The following SHOX variants were observed in gnomAD, a reference collection of about 807,000 sequenced individuals.
SHOX encodes short stature homeobox protein.
Under a neutral mutation model 29.6 loss-of-function variants are expected in SHOX, and 12 were observed. The ratio of observed to expected loss-of-function variants is 0.41; its 90% CI spans 0.26 to 0.66. The LOEUF is 0.66. SHOX is among the 30% of genes least tolerant of loss of function. The probability of loss-of-function intolerance (pLI) is 0.35; values close to 1 mark genes in which losing one functional copy is unlikely to be tolerated. For synonymous variants in SHOX, 214 were observed against 200.6 expected, an observed-to-expected ratio of 1.07 and a Z score of -0.57; for missense variants, 499 against 437.7, an observed-to-expected ratio of 1.14 and a Z score of -1.25.
Position 648,401 on chromosome X carries a change from A to G in SHOX, c.*3765A>G, listed in dbSNP as rs1231571355. Among the ~76,000 whole-genome samples the G allele has an allele frequency of 6.6e-6, 1 of 152,106 alleles. No homozygotes were observed. Among genetic ancestry groups the G allele is most frequent in the Non-Finnish European group, 1.5e-5 (1 of 68,032 alleles). On this transcript the variant is annotated 3_prime_UTR_variant, in exon 5 of 5. Transcript: ENST00000686671. ...CACCAGGCCTGGGTAATTTTTTTGC[A>G]TTTTTGGTAGAGACAGGTTTTTGCT...
chrX:638,856 A>C lies in SHOX; in HGVS notation c.487-1965A>C, dbSNP rs761049426. On this transcript the variant is annotated intron_variant, in intron 2 of 4. Transcript: ENST00000686671. ...ACTGGTTCACTCACCGCCTTGGCGG[A>C]GGACGCCTGTTCTCTGGACGAATCA... 3.3e-5 allele frequency among the ~76,000 whole-genome samples: 5 copies of C among 152,348 alleles called. No homozygotes were observed. In the East Asian group the frequency reaches 9.7e-4, roughly 29 times the overall value.
Position 649,259 on chromosome X carries a change from G to A in SHOX, c.*4623G>A, listed in dbSNP as rs185018397. On this transcript the variant is annotated 3_prime_UTR_variant, in exon 5 of 5. Coordinates refer to ENST00000686671, the MANE Select transcript of SHOX (RefSeq NM_000451.4). Reference sequence around the variant, plus strand: ...TCGCCATGTTGGCCAGGCTGGTCTTGAACTCCTGACCTCACATGATCCACC... The same window carrying A: ...TCGCCATGTTGGCCAGGCTGGTCTTAAACTCCTGACCTCACATGATCCACC... Among the ~76,000 whole-genome samples the A allele has an allele frequency of 8.2e-3, 1,248 of 152,014 alleles. 12 individuals carry two copies. Among genetic ancestry groups the A allele is most frequent in the Non-Finnish European group, 0.011 (745 of 67,974 alleles).
In SHOX at chrX:631,049, C is replaced by T; in HGVS notation, c.152C>T (p.Thr51Met). The T allele has an allele frequency of 6.2e-7, 1 of 1,613,802 alleles. No individual in the cohort carries two copies. Among genetic ancestry groups the T allele is most frequent in the Non-Finnish European group, 8.5e-7 (1 of 1,179,866 alleles). Reference sequence around the variant, plus strand: ...CTGGCGCGCTCCCGGGAGCTGGGGACGTCGGATTCCAGCCTCCAGGACATC... The same window carrying T: ...CTGGCGCGCTCCCGGGAGCTGGGGATGTCGGATTCCAGCCTCCAGGACATC... ...SGLARSRELG[T>M]SDSSLQDITE... is the part of the protein sequence containing the mutation. Residue 51 changes from threonine to methionine, a missense_variant, in exon 1 of 5, where the codon ACG becomes ATG. Coordinates refer to ENST00000686671, the MANE Select transcript of SHOX (RefSeq NM_000451.4).
intron 4 of SHOX, 95 bp downstream of exon 4, chrX:641,182 C>A: frequency 8.4e-7 from 1 of 1,186,282 alleles, no homozygotes; most frequent in Non-Finnish European, 1.3e-6. Flanking sequence ...CTCCTAGTCC[C>A]TCCCTGCCCC....
upstream of SHOX, among the ~76,000 whole-genome samples, chrX:630,301 G>T (rs1480322752): frequency 5.6e-5 from 4 of 71,376 alleles, no homozygotes; most frequent in East Asian, 3.4e-4. Flanking sequence ...TCCCCGGGGC[G>T]CCCGGATCCC....
chrX:658,025 A>G lies in SHOX; in HGVS notation c.634-760A>G, dbSNP rs762299400. Among the ~76,000 whole-genome samples, 3 of 152,130 alleles carry G rather than the reference A, an allele frequency of 2.0e-5. No homozygotes were observed. In the South Asian group the frequency reaches 6.3e-4, roughly 32 times the overall value. ...AGTCTCACTCTGTCACCCAGGCTGC[A>G]GTGCAATGGCGTGATCTCGGCTCAC... On this transcript the variant is annotated intron_variant, in intron 5 of 5. Coordinates refer to the SHOX transcript ENST00000334060.
chrX:632,441 T>G (rs961210971), intron 1 of SHOX, among the ~76,000 whole-genome samples: 2 of 152,232 alleles, frequency 1.3e-5, no homozygotes, highest in African/African-American at 4.8e-5. Context: ...ACGCCTGTTA[T>G]GTTTTCATTA....
At chrX:638,256 A>ATT (rs368512268) in intron 2 of SHOX, among the ~76,000 whole-genome samples, 41 of 148,038 alleles carry the variant, frequency 2.8e-4, no homozygotes, top group Middle Eastern at 3.6e-3. Context: ...ATTCTTCATC[A>ATT]TTTTTTTTTT....
chrX:635,107 T>C (rs2052722227), intron 2 of SHOX, among the ~76,000 whole-genome samples: 1 of 152,060 alleles, frequency 6.6e-6, no homozygotes, highest in Non-Finnish European at 1.5e-5. Flanking sequence ...GATGGGTATA[T>C]TGTATATATT....
At chrX:652,223 T>TG (rs2053077090), downstream of SHOX, among the ~76,000 whole-genome samples, 1 of 152,128 alleles carries the variant, frequency 6.6e-6, no homozygotes, top group Non-Finnish European at 1.5e-5. Flanking sequence ...TTTGTTCCAG[T>TG]TTTCGACAGT....
downstream of SHOX, among the ~76,000 whole-genome samples, chrX:652,963 G>A (rs751868105): frequency 1.1e-4 from 16 of 152,318 alleles, no homozygotes; most frequent in Middle Eastern, 6.8e-3. Context: ...TTGGCCGGGC[G>A]CAGTGTGGCT....
chrX:635,393 G>GGT (rs1475676390), intron 2 of SHOX, among the ~76,000 whole-genome samples: 2 of 152,116 alleles, frequency 1.3e-5, no homozygotes, highest in African/African-American at 4.8e-5. Flanking sequence ...AAAGGAGAGG[G>GGT]GTGTCCTCTG....
chrX:630,720 C>G, upstream of SHOX: 3 of 757,880 alleles, frequency 4.0e-6, no homozygotes, highest in Non-Finnish European at 4.4e-6. Flanking sequence ...AGTAATTGCA[C>G]CAGACAGGCA....
At position 645,627 on chromosome X, in the gene SHOX, C is replaced by G; in HGVS notation, c.*991C>G. On this transcript the variant is annotated 3_prime_UTR_variant, in exon 5 of 5. Transcript: ENST00000686671. ...GAAAAGGCGTTACCTCTTCTCCCAG[C>G]GCTGGCCGCCTGGCCACTGAGGGCC... The G allele has an allele frequency of 6.6e-6, 1 of 152,086 alleles. No homozygotes were observed. The highest frequency in any genetic ancestry group is 1.9e-4 in the East Asian group (1 of 5,150). 9.4% of individuals were successfully genotyped at this position (152,086 alleles called of 1,614,324 possible). A position where few individuals can be genotyped will look rare whatever the true frequency, so the allele number is the denominator to read the frequency against.
chrX:650,627 C>T lies in SHOX; in HGVS notation c.*5991C>T, dbSNP rs1027027326. On this transcript the variant is annotated 3_prime_UTR_variant, in exon 5 of 5. Coordinates refer to ENST00000686671, the MANE Select transcript of SHOX (RefSeq NM_000451.4). ...TCCCCTAAGAACAAGCAGAAGCCTC[C>T]AGCTCCCTTTAGCTCCACAGTTTTC... Among the ~76,000 whole-genome samples, 1 of 151,430 alleles carries T rather than the reference C, an allele frequency of 6.6e-6. No homozygotes were observed. Among genetic ancestry groups the T allele is most frequent in the African/African-American group, 2.4e-5 (1 of 41,222 alleles).
chrX:640,122 A>G (rs1187730572), intron 2 of SHOX, among the ~76,000 whole-genome samples: 1 of 151,978 alleles, frequency 6.6e-6, no homozygotes, highest in Non-Finnish European at 1.5e-5. Context: ...AGGAGGGTGG[A>G]TCGCTTGAGG....
At chrX:626,707 CAT>C (rs1491543221), upstream of SHOX, among the ~76,000 whole-genome samples, 3 of 114,866 alleles carry the variant, frequency 2.6e-5, no homozygotes, top group South Asian at 3.1e-4. Flanking sequence ...TTCTCTCTCT[CAT>C]CTCTCTCTGT....
intron 2 of SHOX, among the ~76,000 whole-genome samples, chrX:635,640 G>T (rs1209546742): frequency 7.9e-5 from 12 of 152,210 alleles, no homozygotes; most frequent in Non-Finnish European, 1.3e-4. Context: ...AGGCACTGGG[G>T]GGCGGAGGGG....
At chrX:627,305 T>TC (rs1446120810), upstream of SHOX, among the ~76,000 whole-genome samples, 3 of 152,194 alleles carry the variant, frequency 2.0e-5, no homozygotes, top group Admixed American at 6.5e-5. Flanking sequence ...GAAAAAGCTC[T>TC]CGTCTGGATT....
Sources: gnomAD v4.1 joint callset for allele counts (sites outside exome capture counted in the v4.1 genomes callset) on GRCh38, gnomAD v4.1.1 for gene constraint, MANE v1.5 for transcripts, NCBI Gene and HGNC (gene_info 2026-07-23, HGNC 2026-07-21) for gene names.